Variants in KCNN2 observed in about 807,000 individuals in gnomAD.
KCNN2 encodes potassium calcium-activated channel subfamily N member 2.
KCNN2 carries 24 observed loss-of-function variants against 55.5 expected under a neutral mutation model. The ratio of observed to expected loss-of-function variants is 0.43; its 90% CI spans 0.31 to 0.61. KCNN2 has a LOEUF of 0.61. Ranked by LOEUF, KCNN2 falls within the 20% of genes least tolerant of loss-of-function variation. The pLI, the probability that KCNN2 is intolerant of heterozygous loss-of-function variation, is 0.08. For synonymous variants in KCNN2, 431 were observed against 336.1 expected, an observed-to-expected ratio of 1.28 and a Z score of -3.09; for missense variants, 754 against 853.6, an observed-to-expected ratio of 0.88 and a Z score of 1.45.
chr5:114,361,837 C>T (rs529251812), upstream of KCNN2: 1 of 153,008 alleles, frequency 6.5e-6, no homozygotes, highest in African/African-American at 2.4e-5. Flanking sequence ...AATCCCTGCC[C>T]TGGAGCGCCC....
intron 2 of KCNN2, among the ~76,000 whole-genome samples, chr5:114,250,429 G>A (rs1003814079): frequency 1.3e-5 from 2 of 152,218 alleles, no homozygotes; most frequent in South Asian, 2.1e-4. Flanking sequence ...GAGAGTGCTC[G>A]CCTAGTGTTG....
chr5:114,153,409 G>A (rs1193067639), intron 1 of KCNN2, among the ~76,000 whole-genome samples: 1 of 152,152 alleles, frequency 6.6e-6, no homozygotes, highest in Non-Finnish European at 1.5e-5. Context: ...GTCAAGAACT[G>A]TGAAGGGCCT....
At chr5:114,175,581 A>T (rs1176875125) in intron 1 of KCNN2, among the ~76,000 whole-genome samples, 2 of 152,152 alleles carry the variant, frequency 1.3e-5, no homozygotes, top group Non-Finnish European at 2.9e-5. Flanking sequence ...AAACAGGTAT[A>T]GTTCTGTAGG....
intron 1 of KCNN2, among the ~76,000 whole-genome samples, chr5:114,097,141 A>G (rs1751273444): frequency 6.6e-6 from 1 of 152,242 alleles, no homozygotes; most frequent in Non-Finnish European, 1.5e-5. Context: ...GTTAGATTTG[A>G]TAGACATTGT....
intron 1 of KCNN2, among the ~76,000 whole-genome samples, chr5:114,129,243 C>A (rs1292671414): frequency 6.6e-6 from 1 of 152,128 alleles, no homozygotes; most frequent in East Asian, 1.9e-4. Context: ...TTAGCCAAAC[C>A]CAGCTGGTAT....
chr5:114,462,439 G>T (rs1761252928), intron 3 of KCNN2, among the ~76,000 whole-genome samples: 1 of 152,110 alleles, frequency 6.6e-6, no homozygotes, highest in African/African-American at 2.4e-5. Context: ...CAGTTTCTGT[G>T]TTCAAGGATG....
chr5:114,161,339 T>A (rs2112531147), intron 1 of KCNN2, among the ~76,000 whole-genome samples: 1 of 145,004 alleles, frequency 6.9e-6, no homozygotes, highest in South Asian at 2.5e-4. Flanking sequence ...CCCCACTCTC[T>A]CCTGGCTTGT....
chr5:114,198,548 G>A (rs913431832), intron 1 of KCNN2, among the ~76,000 whole-genome samples: 6 of 151,542 alleles, frequency 4.0e-5, no homozygotes, highest in African/African-American at 1.5e-4. Flanking sequence ...TTGCTATTGT[G>A]AATAGTGCTG....
At chr5:114,232,236 G>C (rs1297424320) in intron 2 of KCNN2, among the ~76,000 whole-genome samples, 1 of 150,770 alleles carries the variant, frequency 6.6e-6, no homozygotes, top group African/African-American at 2.5e-5. Flanking sequence ...GGTCTCGTCT[G>C]AATTAGAAAT....
intron 1 of KCNN2, among the ~76,000 whole-genome samples, chr5:114,072,069 G>T (rs1750580818): frequency 6.6e-6 from 1 of 152,126 alleles, no homozygotes; most frequent in South Asian, 2.1e-4. Context: ...AAGGTGGGTG[G>T]ATCACCTGAG....
Position 114,362,681 on chromosome 5 carries a change from C to G in KCNN2, c.542C>G (p.Pro181Arg), listed in dbSNP as rs900389321. 3.5e-6 allele frequency: 5 copies of G among 1,444,320 alleles called. No individual in the cohort carries two copies. Among genetic ancestry groups the G allele is most frequent in the East Asian group, 2.5e-5 (1 of 40,046 alleles). 89.5% of individuals were successfully genotyped at this position (1,444,320 alleles called of 1,614,324 possible). ...GSLGSLGSGP[P>R]LSHHHHHPHP... is the part of the protein sequence containing the mutation. ...CTCGGCAGTCTGGGCTCCGGGCCCC[C>G]GCTCTCGCACCACCACCACCACCCG... is the stretch of plus-strand genomic sequence containing the variant. The change falls in exon 1 of 8, where the codon CCG becomes CGG. Residue 181 changes from proline to arginine, a missense_variant. This residue lies in a region of KCNN2 where 381 missense variants were observed against 259.1 expected (regional missense o/e 1.47). Transcript: ENST00000673685.
intron 1 of KCNN2, among the ~76,000 whole-genome samples, chr5:114,061,582 C>A (rs1165522141): frequency 6.6e-6 from 1 of 151,936 alleles, no homozygotes; most frequent in Non-Finnish European, 1.5e-5. Flanking sequence ...AGTTTGCCAC[C>A]TTTGTGGGCA....
chr5:114,232,574 A>G (rs1421782694), intron 2 of KCNN2, among the ~76,000 whole-genome samples: 1 of 151,160 alleles, frequency 6.6e-6, no homozygotes, highest in Admixed American at 6.6e-5. Context: ...GTACTTCGCA[A>G]TATATCAGGC....
intron 2 of KCNN2, among the ~76,000 whole-genome samples, chr5:114,258,348 A>G (rs1382693497): frequency 2.0e-5 from 3 of 151,984 alleles, no homozygotes; most frequent in African/African-American, 7.2e-5. Context: ...TTAGGGTGAC[A>G]TTGGCTTCTA....
At chr5:114,385,822 C>T (rs1247561216) in intron 2 of KCNN2, among the ~76,000 whole-genome samples, 1 of 151,182 alleles carries the variant, frequency 6.6e-6, no homozygotes, top group African/African-American at 2.4e-5. Flanking sequence ...GGTAATTGTT[C>T]AGGTTTTTTT....
intron 2 of KCNN2, among the ~76,000 whole-genome samples, chr5:114,280,105 G>A (rs1251344780): frequency 6.6e-6 from 1 of 152,188 alleles, no homozygotes; most frequent in Non-Finnish European, 1.5e-5. Flanking sequence ...CTTCTTTTGA[G>A]AAGTGTCTGT....
intron 5 of KCNN2, among the ~76,000 whole-genome samples, chr5:114,476,474 GC>G (rs1304934500): frequency 7.3e-6 from 1 of 136,736 alleles, no homozygotes; most frequent in African/African-American, 2.7e-5. Flanking sequence ...TGCTCTTGTT[GC>G]CCAGGCTGCA....
intron 1 of KCNN2, among the ~76,000 whole-genome samples, chr5:114,118,584 C>T (rs1292342821): frequency 6.6e-6 from 1 of 151,818 alleles, no homozygotes. Flanking sequence ...GGCTTTGGTT[C>T]AGGCCCTCTG....
intron 2 of KCNN2, among the ~76,000 whole-genome samples, chr5:114,279,800 T>C: frequency 6.6e-6 from 1 of 151,630 alleles, no homozygotes. Flanking sequence ...TTTATAATCC[T>C]TTGGGTATAT....
Sources: allele counts gnomAD v4.1 joint callset (sites outside exome capture counted in the v4.1 genomes callset), GRCh38; gene constraint gnomAD v4.1.1; regional missense constraint gnomAD v4.1.1; transcripts MANE v1.5; gene names NCBI Gene and HGNC (gene_info 2026-07-23, HGNC 2026-07-21).